Variants in USP37 observed in about 807,000 individuals in gnomAD.
USP37 encodes ubiquitin carboxyl-terminal hydrolase 37.
Under a neutral mutation model 124.0 loss-of-function variants are expected in USP37, and 27 were observed. That is an observed-to-expected ratio of 0.22 (90% CI 0.16 to 0.30). The LOEUF is 0.30. Among genes scored for constraint, USP37 ranks in the 10% least tolerant of loss-of-function variants. The pLI is 1.00. For missense variants in USP37, 889 were observed against 1,140.4 expected (o/e 0.78, Z 3.17); for synonymous variants, 365 against 388.0 (o/e 0.94, Z 0.70).
In USP37 at chr2:218,531,392, G is replaced by T. The variant is rs541754549; in HGVS notation, c.779-1352C>A. 3.3e-5 allele frequency among the ~76,000 whole-genome samples: 5 copies of T among 152,284 alleles called. No homozygotes were observed. In the East Asian group the frequency reaches 9.6e-4, roughly 29 times the overall value. On this transcript the variant is annotated intron_variant, in intron 9 of 25. Transcript: ENST00000258399. ...CAACATGATTTAATCAATATTTTAAGCCACTACTGATACCCAATGCTCAGA... is the reference window on the plus strand; with the variant it reads ...CAACATGATTTAATCAATATTTTAATCCACTACTGATACCCAATGCTCAGA...
At chr2:218,543,545 G>A (rs890656766) in intron 8 of USP37, among the ~76,000 whole-genome samples, 1 of 144,900 alleles carries the variant, frequency 6.9e-6, no homozygotes, top group East Asian at 2.0e-4. Flanking sequence ...AGGCGTGGTG[G>A]CTCATGCCTG....
intron 10 of USP37, chr2:218,514,529 A>G (rs1690169788): frequency 6.6e-6 from 1 of 152,234 alleles, no homozygotes. Context: ...TCAGTGCATC[A>G]TATCACAGAG....
intron 10 of USP37, among the ~76,000 whole-genome samples, chr2:218,522,198 G>A (rs1465743198): frequency 1.3e-5 from 2 of 151,846 alleles, no homozygotes; most frequent in Non-Finnish European, 2.9e-5. Context: ...CTTAATATCT[G>A]GCCATTCAAC....
At position 218,454,745 on chromosome 2, in the gene USP37, C is replaced by A; in HGVS notation, c.*185G>T. 7.8e-7 allele frequency: 1 copy of A among 1,285,876 alleles called. No homozygotes were observed. Among genetic ancestry groups the A allele is most frequent in the Non-Finnish European group, 1.0e-6 (1 of 975,618 alleles). 79.7% of individuals were successfully genotyped at this position (1,285,876 alleles called of 1,614,324 possible). On this transcript the variant is annotated 3_prime_UTR_variant, in exon 26 of 26. Transcript: ENST00000258399. ...GGATAATCAGCTACGGATGTGAGAC[C>A]AAAGTTTCCATAAAATAGCATGGAG...
At chr2:218,532,003 G>A (rs1468438376) in intron 9 of USP37, among the ~76,000 whole-genome samples, 1 of 152,190 alleles carries the variant, frequency 6.6e-6, no homozygotes. Flanking sequence ...TACAACATAG[G>A]ATTTAGAATA....
Position 218,488,175 on chromosome 2 carries a change from CAAAAAAAAAAAA to C in USP37, c.1590+117_1590+128del, listed in dbSNP as rs66581703. On this transcript the variant is annotated intron_variant, in intron 15 of 25. Transcript: ENST00000258399. ...AGGGTGACAAAGTGAGACCCTGTCT[CAAAAAAAAAAAA>C]AAAAAAAAAAGAAAAGAAAAGAAAC... is the stretch of plus-strand genomic sequence containing the variant. 4.9e-5 allele frequency: 17 copies of C among 349,892 alleles called. 1 individual carries two copies. In the East Asian group the frequency reaches 5.4e-4, roughly 11 times the overall value. 21.7% of individuals were successfully genotyped at this position (349,892 alleles called of 1,614,324 possible).
Position 218,455,657 on chromosome 2 carries a change from C to T in USP37, c.2775G>A (p.Leu925=), listed in dbSNP as rs758398517. The T allele has an allele frequency of 6.2e-6, 10 of 1,614,172 alleles. No homozygotes were observed. The highest frequency in any genetic ancestry group is 5.1e-6 in the Non-Finnish European group (6 of 1,180,030). Residue 925 remains leucine (L), a synonymous_variant, in exon 25 of 26, where the codon CTG becomes CTA. Coordinates refer to ENST00000258399, the MANE Select transcript of USP37 (RefSeq NM_020935.3). ...KKQAWFTYND[L]EVSKIQEAAV... is the part of the protein sequence containing the mutation. ...CAGCCTCTTGGATTTTTGATACCTC[C>T]AGGTCATTGTAAGTAAACCACGCTT...
intron 9 of USP37, 62 bp downstream of exon 9, chr2:218,534,547 T>A: frequency 9.9e-7 from 1 of 1,009,698 alleles, no homozygotes; most frequent in Non-Finnish European, 1.4e-6. Flanking sequence ...TAGGTTTTTA[T>A]TTCTAATCTA....
chr2:218,496,556 G>A (rs899321530), intron 13 of USP37, among the ~76,000 whole-genome samples: 1 of 151,258 alleles, frequency 6.6e-6, no homozygotes, highest in African/African-American at 2.4e-5. Flanking sequence ...GGTAATTTTC[G>A]CAGGTAACAC....
intron 14 of USP37, among the ~76,000 whole-genome samples, chr2:218,494,428 G>GT (rs139517365): frequency 0.049 from 7,457 of 152,222 alleles, 525 homozygotes; most frequent in African/African-American, 0.16. Flanking sequence ...TAAGGCAAAA[G>GT]TAACAAAAAG....
chr2:218,487,682 G>C (rs1192641636), intron 15 of USP37, among the ~76,000 whole-genome samples: 1 of 152,074 alleles, frequency 6.6e-6, no homozygotes, highest in African/African-American at 2.4e-5. Context: ...GCCTCCCAAA[G>C]TGCTGGGATT....
chr2:218,457,907 G>C (rs1049571379), intron 23 of USP37, among the ~76,000 whole-genome samples: 5 of 151,832 alleles, frequency 3.3e-5, no homozygotes, highest in African/African-American at 7.3e-5. Context: ...AAATTAGCTG[G>C]CGGGCGCCTG....
chr2:218,529,856 TATTC>T, intron 10 of USP37, 96 bp downstream of exon 10: 2 of 859,258 alleles, frequency 2.3e-6, no homozygotes, highest in South Asian at 4.5e-5. Context: ...TAAATTATCA[TATTC>T]ACTTAAGAGG....
chr2:218,539,110 G>A (rs75740411), intron 8 of USP37, among the ~76,000 whole-genome samples: 5,893 of 152,002 alleles, frequency 0.039, 371 homozygotes, highest in African/African-American at 0.13. Flanking sequence ...TGGGATGACA[G>A]GCACATATCA....
intron 10 of USP37, among the ~76,000 whole-genome samples, chr2:218,516,328 G>T (rs943853302): frequency 7.2e-5 from 11 of 152,094 alleles, no homozygotes; most frequent in Admixed American, 3.3e-4. Context: ...AAGAAAATGT[G>T]GCACATATAC....
At position 218,450,635 on chromosome 2, in the gene USP37, CA is replaced by C. The variant is rs1313611898; in HGVS notation, c.*4294del. 7 of 152,584 alleles carry C rather than the reference CA, an allele frequency of 4.6e-5. No homozygotes were observed. In the East Asian group the frequency reaches 1.3e-3, roughly 29 times the overall value. The allele number at this position is 152,584 out of a possible 1,614,324, so 9.5% of individuals were successfully genotyped here. ...CCTGGGGACAAGAGGTGTGCACACCCACATGTGGTCTCACTCTTCACACAGG... is the reference window on the plus strand; with the variant it reads ...CCTGGGGACAAGAGGTGTGCACACCCCATGTGGTCTCACTCTTCACACAGG... On this transcript the variant is annotated 3_prime_UTR_variant, in exon 26 of 26. Transcript: ENST00000258399.
chr2:218,526,786 T>C (rs904865377), intron 10 of USP37, among the ~76,000 whole-genome samples: 1 of 39,548 alleles, frequency 2.5e-5, no homozygotes, highest in Admixed American at 2.5e-4. Flanking sequence ...TTTCATTTGC[T>C]TTTTTTTTTT....
chr2:218,456,193 A>C (rs532095919), intron 24 of USP37, among the ~76,000 whole-genome samples: 1 of 152,324 alleles, frequency 6.6e-6, no homozygotes, highest in Admixed American at 6.5e-5. Context: ...TCACTCCTAT[A>C]ATCCCAGCAC....
intron 10 of USP37, among the ~76,000 whole-genome samples, chr2:218,529,128 G>A (rs1034202025): frequency 6.6e-6 from 1 of 152,112 alleles, no homozygotes; most frequent in Non-Finnish European, 1.5e-5. Context: ...CCAGAGCCAG[G>A]TTTAAGAGCA....
Sources: allele counts gnomAD v4.1 joint callset (sites outside exome capture counted in the v4.1 genomes callset), GRCh38; gene constraint gnomAD v4.1.1; transcripts MANE v1.5; gene names NCBI Gene and HGNC (gene_info 2026-07-23, HGNC 2026-07-21).